The following TXLNG variants were observed in gnomAD, a reference collection of about 807,000 sequenced individuals.
TXLNG encodes the protein gamma-taxilin.
Under a neutral mutation model 38.8 loss-of-function variants are expected in TXLNG, and 5 were observed. The observed-to-expected ratio is 0.13, with a 90% CI of 0.07 to 0.27. The LOEUF is 0.27. TXLNG is among the 10% of genes least tolerant of loss of function. The probability of loss-of-function intolerance (pLI) is 1.00; values close to 1 mark genes in which losing one functional copy is unlikely to be tolerated. For synonymous variants in TXLNG, 182 were observed against 158.2 expected (o/e 1.15, Z -1.13); for missense variants, 393 against 398.2 (o/e 0.99, Z 0.11).
At chrX:16,832,293 C>T (rs1010425882) in intron 5 of TXLNG, among the ~76,000 whole-genome samples, 4 of 112,223 alleles carry the variant, frequency 3.6e-5, no homozygotes, top group African/African-American at 1.3e-4. Context: ...CCTTCTTTGT[C>T]TTGGTGCACT....
chrX:16,822,570 C>T (rs1289064528), intron 3 of TXLNG, among the ~76,000 whole-genome samples: 1 of 111,633 alleles, frequency 9.0e-6, no homozygotes, highest in Non-Finnish European at 1.9e-5. Flanking sequence ...CTGTGGAAGC[C>T]AGTCCCCCTT....
chrX:16,832,991 A>C (rs894708334), intron 6 of TXLNG, among the ~76,000 whole-genome samples: 1 of 112,137 alleles, frequency 8.9e-6, no homozygotes, highest in Non-Finnish European at 1.9e-5. Flanking sequence ...TGGAAAGATT[A>C]TACCAAATCA....
chrX:16,837,285 T>C (rs893560623), intron 7 of TXLNG, among the ~76,000 whole-genome samples: 1 of 111,923 alleles, frequency 8.9e-6, no homozygotes, highest in Non-Finnish European at 1.9e-5. Context: ...AGTTTTCACT[T>C]GGCAGGAGAG....
chrX:16,786,471 G>C lies in TXLNG; in HGVS notation c.-17G>C. ...TGCCCCTTGTCGGGCCGCTTGTTTGGCTGCTGCCGTCACCTCATGGCGACG... is the reference window on the plus strand; with the variant it reads ...TGCCCCTTGTCGGGCCGCTTGTTTGCCTGCTGCCGTCACCTCATGGCGACG... On this transcript the variant is annotated 5_prime_UTR_variant, in exon 1 of 10. Coordinates refer to ENST00000380122, the MANE Select transcript of TXLNG (RefSeq NM_018360.3). The C allele has an allele frequency of 9.0e-7, 1 of 1,108,446 alleles. No individual in the cohort carries two copies. Among genetic ancestry groups the C allele is most frequent in the South Asian group, 2.1e-5 (1 of 47,420 alleles). The allele number at this position is 1,108,446 out of a possible 1,213,427, so 91.3% of individuals were successfully genotyped here.
intron 1 of TXLNG, among the ~76,000 whole-genome samples, chrX:16,809,966 G>A (rs1928457694): frequency 8.9e-6 from 1 of 111,901 alleles, no homozygotes; most frequent in Non-Finnish European, 1.9e-5. Flanking sequence ...AGGTAGTTAT[G>A]AAGCAGTATA....
At chrX:16,786,671 C>T (rs1271300433) in intron 1 of TXLNG, 82 bp downstream of exon 1, 2 of 696,324 alleles carry the variant, frequency 2.9e-6, no homozygotes, top group South Asian at 4.5e-5. Context: ...TCTTCTCTCT[C>T]CCTGGTTACC....
At chrX:16,820,133 G>A (rs1355703115) in intron 2 of TXLNG, 31 bp from the exon 3 acceptor site, 2 of 1,104,815 alleles carry the variant, frequency 1.8e-6, no homozygotes, top group African/African-American at 3.7e-5. Flanking sequence ...TCATTCTTCT[G>A]GGACTTATTT....
intron 3 of TXLNG, among the ~76,000 whole-genome samples, chrX:16,821,643 A>ATGCAG (rs1928961666): frequency 8.9e-6 from 1 of 112,568 alleles, no homozygotes; most frequent in Non-Finnish European, 1.9e-5. Flanking sequence ...TAAAACAGTT[A>ATGCAG]ATTCCATATC....
intron 1 of TXLNG, among the ~76,000 whole-genome samples, chrX:16,790,865 A>G (rs372684235): frequency 2.6e-4 from 29 of 111,931 alleles, no homozygotes; most frequent in African/African-American, 8.4e-4. Flanking sequence ...CTGGAACCCA[A>G]TACTCTTTCA....
intron 1 of TXLNG, among the ~76,000 whole-genome samples, chrX:16,792,088 A>G (rs1927723367): frequency 8.9e-6 from 1 of 112,098 alleles, no homozygotes; most frequent in Non-Finnish European, 1.9e-5. Context: ...AAAGGAAAGA[A>G]ATTTGGAGAC....
At position 16,842,989 on chromosome X, in the gene TXLNG, C is replaced by T. The variant is rs1929916746; in HGVS notation, c.*1223C>T. ...GGAAAATTTGAAATTAAGCACATAA[C>T]TTTTGAATTAGTTCTTTGTTTCAAT... is the stretch of plus-strand genomic sequence containing the variant. On this transcript the variant is annotated 3_prime_UTR_variant, in exon 10 of 10. Coordinates refer to ENST00000380122, the MANE Select transcript of TXLNG (RefSeq NM_018360.3). 8.9e-6 allele frequency: 1 copy of T among 112,304 alleles called. No homozygotes were observed. The highest frequency in any genetic ancestry group is 1.9e-5 in the Non-Finnish European group (1 of 53,264). 9.3% of individuals were successfully genotyped at this position (112,304 alleles called of 1,213,427 possible).
chrX:16,841,674 G>A lies in TXLNG; in HGVS notation c.1495G>A (p.Ala499Thr). The A allele has an allele frequency of 8.3e-7, 1 of 1,211,985 alleles. No individual in the cohort carries two copies. Residue 499 changes from alanine to threonine, a missense_variant, in exon 10 of 10, where the codon GCG becomes ACG. Ala to Thr is a moderately conservative substitution (Grantham distance 58, BLOSUM62 0). Transcript: ENST00000380122. The stretch of plus-strand genomic sequence containing the variant: ...CACTTCCTCGAAAAGAGCCCTGGGA[G>A]CGCACCTGGAGGCTGAGCCCAAGAG... ...LNTSSKRALG[A>T]HLEAEPKSQR... is the part of the protein sequence containing the mutation.
chrX:16,817,572 A>G (rs777493553), intron 1 of TXLNG, among the ~76,000 whole-genome samples: 1 of 112,049 alleles, frequency 8.9e-6, no homozygotes, highest in South Asian at 3.7e-4. Flanking sequence ...TCACCTCAAC[A>G]GTATTATTCA....
chrX:16,798,155 T>C lies in TXLNG; in HGVS notation c.102+11566T>C, dbSNP rs138942180. On this transcript the variant is annotated intron_variant, in intron 1 of 9. Transcript: ENST00000380122. ...TGTATCATTTTGTAATACCATCCAT[T>C]AGTCATTTCGAAAATATTGGTTAAC... is the stretch of plus-strand genomic sequence containing the variant. 7.9e-3 allele frequency among the ~76,000 whole-genome samples: 882 copies of C among 112,294 alleles called. 8 individuals carry two copies. The highest frequency in any genetic ancestry group is 0.027 in the African/African-American group (833 of 30,889).
chrX:16,807,717 T>C (rs934962093), intron 1 of TXLNG, among the ~76,000 whole-genome samples: 2 of 111,223 alleles, frequency 1.8e-5, no homozygotes, highest in African/African-American at 6.5e-5. Context: ...CACACAACTT[T>C]TCCCAACTGC....
rs1929512818 is a variant in TXLNG, at chrX:16,834,244, T to C, written c.985-39T>C. 5 of 1,109,585 alleles carry C rather than the reference T, an allele frequency of 4.5e-6. No homozygotes were observed. In the East Asian group the frequency reaches 1.5e-4, roughly 33 times the overall value. 91.4% of individuals were successfully genotyped at this position (1,109,585 alleles called of 1,213,427 possible). ...ATTTGATATTTAGTCCTGCTTGTAA[T>C]TACCATTAGCATTTTGCCAGAATGT... On this transcript the variant is annotated intron_variant, in intron 6 of 9. Transcript: ENST00000380122.
chrX:16,818,892 A>G lies in TXLNG; in HGVS notation c.406+15A>G. 1 of 1,179,732 alleles carries G rather than the reference A, an allele frequency of 8.5e-7. No homozygotes were observed. Among genetic ancestry groups the G allele is most frequent in the South Asian group, 1.9e-5 (1 of 51,578 alleles). ...AAAAACTTTAGGTAATAATCCGTTC[A>G]GTGGTTGGACGTTTCACATGCTAAT... On this transcript the variant is annotated intron_variant, in intron 2 of 9. Coordinates refer to ENST00000380122, the MANE Select transcript of TXLNG (RefSeq NM_018360.3).
At chrX:16,823,808 TATTC>T (rs1404139518) in intron 3 of TXLNG, among the ~76,000 whole-genome samples, 1 of 111,723 alleles carries the variant, frequency 9.0e-6, no homozygotes, top group Admixed American at 9.6e-5. Context: ...TTTATAATGC[TATTC>T]TTTCCCATCC....
At chrX:16,799,548 G>T (rs1269165923) in intron 1 of TXLNG, among the ~76,000 whole-genome samples, 1 of 111,225 alleles carries the variant, frequency 9.0e-6, no homozygotes, top group Non-Finnish European at 1.9e-5. Context: ...CAAGGCGGGC[G>T]GATCACGAGG....
Sources: allele counts gnomAD v4.1 joint callset (sites outside exome capture counted in the v4.1 genomes callset), GRCh38; gene constraint gnomAD v4.1.1; transcripts MANE v1.5; gene names NCBI Gene and HGNC (gene_info 2026-07-23, HGNC 2026-07-21).